PRRC2B: variants seen among roughly 807,000 people sequenced by gnomAD.
PRRC2B encodes the protein protein PRRC2B.
In PRRC2B, 68 loss-of-function variants were observed where a neutral mutation model predicts 242.3. The observed-to-expected ratio is 0.28, with a 90% CI of 0.23 to 0.34. PRRC2B has a LOEUF of 0.34. Ranked by LOEUF, PRRC2B falls within the 10% of genes least tolerant of loss-of-function variation. PRRC2B has a pLI of 1.00. For missense variants in PRRC2B, 2,835 were observed against 2,954.8 expected (o/e 0.96, Z 0.94); for synonymous variants, 1,228 against 1,173.6 (o/e 1.05, Z -0.95).
rs111958603 is a variant in PRRC2B at position 131,432,360 on chromosome 9, C to G, written c.116-257C>G. Reference sequence around the variant, plus strand: ...TGTTGTAAAGTCTGCGAGCCTTGTCCTGCCCATCAGTGAAATGGAAGCCTT... The same window carrying G: ...TGTTGTAAAGTCTGCGAGCCTTGTCGTGCCCATCAGTGAAATGGAAGCCTT... On this transcript the variant is annotated intron_variant, in intron 2 of 31. Coordinates refer to ENST00000683519, the MANE Select transcript of PRRC2B (RefSeq NM_013318.4). Among the ~76,000 whole-genome samples, 981 of 152,270 alleles carry G rather than the reference C, an allele frequency of 6.4e-3. 11 individuals carry two copies. The highest frequency in any genetic ancestry group is 0.021 in the African/African-American group (864 of 41,542).
chr9:131,376,353 CAAA>C (rs34978838), intron 1 of PRRC2B, among the ~76,000 whole-genome samples: 2 of 112,522 alleles, frequency 1.8e-5, no homozygotes, highest in Admixed American at 9.2e-5. Context: ...GACTCCATCT[CAAA>C]AAAAAAAAAA....
chr9:131,467,819 C>T (rs564599478), intron 13 of PRRC2B, 66 bp downstream of exon 13: 2 of 1,523,320 alleles, frequency 1.3e-6, no homozygotes, highest in South Asian at 1.2e-5. Context: ...TGTTTCCCCT[C>T]CTCGTCCCCA....
chr9:131,420,493 C>CTTTCTTTCTTTCTTTCTTTCT, intron 1 of PRRC2B, among the ~76,000 whole-genome samples: 1,046 of 30,096 alleles, frequency 0.035, 50 homozygotes, highest in Middle Eastern at 0.086. Flanking sequence ...TTCTTTCTTT[C>CTTTCTTTCTTTCTTTCTTTCT]TTTTTTTTTT....
intron 22 of PRRC2B, among the ~76,000 whole-genome samples, chr9:131,483,119 G>C (rs1439397882): frequency 6.6e-6 from 1 of 152,136 alleles, no homozygotes; most frequent in Non-Finnish European, 1.5e-5. Flanking sequence ...CACCAGACAG[G>C]CCAGTGATCT....
At position 131,487,778 on chromosome 9, in the gene PRRC2B, G is replaced by A. The variant is rs956719620; in HGVS notation, c.5985-78G>A. 8 of 1,538,460 alleles carry A rather than the reference G, an allele frequency of 5.2e-6. No homozygotes were observed. Among genetic ancestry groups the A allele is most frequent in the South Asian group, 1.3e-5 (1 of 79,980 alleles). Reference sequence around the variant, plus strand: ...GGATCTGTGGTTTAGCAAGCTCTCCGGGGATCTCTGAAGGGTGGGACCAGA... The same window carrying A: ...GGATCTGTGGTTTAGCAAGCTCTCCAGGGATCTCTGAAGGGTGGGACCAGA... On this transcript the variant is annotated intron_variant, in intron 27 of 31. Coordinates refer to ENST00000683519, the MANE Select transcript of PRRC2B (RefSeq NM_013318.4). This position sits in a 1 kb window ranked among gnomAD's most constrained non-coding sequence, Gnocchi z 5.3.
intron 1 of PRRC2B, among the ~76,000 whole-genome samples, chr9:131,405,978 G>C (rs1423470583): frequency 2.6e-5 from 4 of 152,066 alleles, no homozygotes; most frequent in African/African-American, 9.7e-5. Flanking sequence ...ACCTTCATAG[G>C]ACCTGGGAAA....
At chr9:131,419,088 C>T (rs1564278155) in intron 1 of PRRC2B, among the ~76,000 whole-genome samples, 1 of 152,160 alleles carries the variant, frequency 6.6e-6, no homozygotes, top group South Asian at 2.1e-4. Context: ...ATGAGCAGTA[C>T]TGGGATTATC....
intron 1 of PRRC2B, among the ~76,000 whole-genome samples, chr9:131,419,567 C>T (rs951715559): frequency 6.6e-6 from 1 of 152,148 alleles, no homozygotes; most frequent in South Asian, 2.1e-4. Flanking sequence ...GGAGAGAGAA[C>T]AAGAGCAGAA....
intron 5 of PRRC2B, among the ~76,000 whole-genome samples, chr9:131,441,276 TA>T (rs1218068056): frequency 6.6e-6 from 1 of 152,166 alleles, no homozygotes; most frequent in East Asian, 1.9e-4. Context: ...CAAATGGGCA[TA>T]GGGGTGAGAG....
chr9:131,427,885 G>A (rs193178598), intron 1 of PRRC2B, among the ~76,000 whole-genome samples: 35 of 152,338 alleles, frequency 2.3e-4, no homozygotes, highest in Non-Finnish European at 4.4e-4. Flanking sequence ...CCAGTGAGAA[G>A]TGATGATCAC....
chr9:131,425,958 G>A (rs560485039), intron 1 of PRRC2B, among the ~76,000 whole-genome samples: 2 of 151,124 alleles, frequency 1.3e-5, no homozygotes, highest in Non-Finnish European at 3.0e-5. Flanking sequence ...GCAGTGAGCC[G>A]AGATCATGCC....
intron 19 of PRRC2B, among the ~76,000 whole-genome samples, chr9:131,481,007 A>G (rs1282689618): frequency 6.8e-6 from 1 of 147,466 alleles, no homozygotes; most frequent in Admixed American, 6.8e-5. Flanking sequence ...TCTATTGTTT[A>G]AAAAAAAAAG....
In PRRC2B at chr9:131,444,321, C is replaced by T; in HGVS notation, c.606C>T (p.Arg202=). 1 of 1,611,754 alleles carries T rather than the reference C, an allele frequency of 6.2e-7. No individual in the cohort carries two copies. Among genetic ancestry groups the T allele is most frequent in the Non-Finnish European group, 8.5e-7 (1 of 1,178,920 alleles). The change falls in exon 6 of 32, where the codon CGC becomes CGT. Residue 202 remains arginine (R), a synonymous_variant. Coordinates refer to ENST00000683519, the MANE Select transcript of PRRC2B (RefSeq NM_013318.4). ...CGTATGGGCCAGGACCAAGCCTCCG[C>T]CCTCAGAGTAAGTGACTGCAGCCTC... ...DLSYGPGPSL[R]PQNVTSWREG... is the part of the protein sequence containing the mutation.
chr9:131,414,508 A>C (rs1419876981), intron 1 of PRRC2B, among the ~76,000 whole-genome samples: 1 of 149,894 alleles, frequency 6.7e-6, no homozygotes, highest in East Asian at 2.0e-4. Context: ...TTCCTCCAGA[A>C]GCCTCTATCC....
intron 1 of PRRC2B, among the ~76,000 whole-genome samples, chr9:131,404,130 A>G (rs1837298938): frequency 6.6e-6 from 1 of 152,140 alleles, no homozygotes; most frequent in Admixed American, 6.6e-5. Context: ...TGTTTTAAAA[A>G]TAATGTTAGG....
intron 6 of PRRC2B, among the ~76,000 whole-genome samples, chr9:131,445,285 C>T (rs552124166): frequency 2.0e-4 from 30 of 152,180 alleles, no homozygotes; most frequent in Non-Finnish European, 3.1e-4. Context: ...CTCAGGCTCC[C>T]GAGTAGCTGG....
chr9:131,480,420 G>A (rs113395550), intron 19 of PRRC2B, among the ~76,000 whole-genome samples: 2,121 of 152,236 alleles, frequency 0.014, 49 homozygotes, highest in African/African-American at 0.046. Context: ...TAGTATTGGT[G>A]TCCAAAAATG....
chr9:131,456,821 A>G lies in PRRC2B; in HGVS notation c.1211+1655A>G, dbSNP rs531644689. Among the ~76,000 whole-genome samples, 88 of 152,254 alleles carry G rather than the reference A, an allele frequency of 5.8e-4. 1 individual carries two copies. Among genetic ancestry groups the G allele is most frequent in the Admixed American group, 2.7e-3 (42 of 15,286 alleles). On this transcript the variant is annotated intron_variant, in intron 10 of 31. Coordinates refer to ENST00000683519, the MANE Select transcript of PRRC2B (RefSeq NM_013318.4). ...GCCCTGTCTCAAAAAATTAATAATAACAATCATACCTATGGTTGTCATAAT... is the reference window on the plus strand; with the variant it reads ...GCCCTGTCTCAAAAAATTAATAATAGCAATCATACCTATGGTTGTCATAAT...
Position 131,474,714 on chromosome 9 carries a change from A to T in PRRC2B, c.2585A>T (p.Asp862Val). 6.2e-7 allele frequency: 1 copy of T among 1,612,726 alleles called. No homozygotes were observed. Among genetic ancestry groups the T allele is most frequent in the South Asian group, 1.1e-5 (1 of 90,840 alleles). Reference sequence around the variant, plus strand: ...CCATTGGAGCCTGACTTTGTCCCAGATGAGAAAAAGCCAGAGTGTGGCAGT... The same window carrying T: ...CCATTGGAGCCTGACTTTGTCCCAGTTGAGAAAAAGCCAGAGTGTGGCAGT... Reference protein sequence around the residue: ...CSPLEPDFVPDEKKPECGSWD... With the variant: ...CSPLEPDFVPVEKKPECGSWD... The change falls in exon 16 of 32, where the codon GAT becomes GTT. Residue 862 changes from aspartate to valine, a missense_variant. This residue lies in a region of PRRC2B where 1,536 missense variants were observed against 1,483.1 expected (regional missense o/e 1.04). Transcript: ENST00000683519.
Sources: gnomAD v4.1 joint callset for allele counts (sites outside exome capture counted in the v4.1 genomes callset) on GRCh38, gnomAD v4.1.1 for gene constraint, gnomAD v4.1.1 regional missense constraint, Gnocchi (gnomAD v3.1) non-coding constraint, MANE v1.5 for transcripts, NCBI Gene and HGNC (gene_info 2026-07-23, HGNC 2026-07-21) for gene names.